Variants in SLC27A4 observed in about 807,000 individuals in gnomAD.
SLC27A4 encodes solute carrier family 27 member 4, also known as long-chain fatty acid transport protein 4.
A neutral mutation model predicts 64.4 loss-of-function variants in SLC27A4; 33 were observed. The observed-to-expected ratio is 0.51, with a 90% CI of 0.39 to 0.68. The LOEUF is 0.68. Ranked by LOEUF, SLC27A4 falls within the 30% of genes least tolerant of loss-of-function variation. The pLI, the probability that SLC27A4 is intolerant of heterozygous loss-of-function variation, is 0.00. For synonymous variants in SLC27A4, 377 were observed against 370.0 expected, an observed-to-expected ratio of 1.02 and a Z score of -0.22; for missense variants, 824 against 883.5, an observed-to-expected ratio of 0.93 and a Z score of 0.85.
intron 2 of SLC27A4, among the ~76,000 whole-genome samples, 192 bp downstream of exon 2, chr9:128,343,485 G>A (rs1039316436): frequency 6.6e-6 from 1 of 152,208 alleles, no homozygotes; most frequent in Non-Finnish European, 1.5e-5. Flanking sequence ...CAAGGTCAAA[G>A]TCTTCTCCCA....
Position 128,355,208 on chromosome 9 carries a change from C to T in SLC27A4, c.1462+18C>T. 2 of 1,612,248 alleles carry T rather than the reference C, an allele frequency of 1.2e-6. No individual in the cohort carries two copies. Among genetic ancestry groups the T allele is most frequent in the Non-Finnish European group, 1.7e-6 (2 of 1,178,868 alleles). On this transcript the variant is annotated intron_variant, in intron 10 of 12. Transcript: ENST00000300456. ...CCTTACTGGTGGGTCCCCAGCCCTT[C>T]ACAGCCCCTTCCTGAGGGTTGGGGG...
chr9:128,345,499 T>C lies in SLC27A4; in HGVS notation c.506T>C (p.Leu169Pro), dbSNP rs1832643284. ...NLRRDALLHC[L>P]TTSRARALVF... Reference sequence around the variant, plus strand: ...CGGCGGGATGCTCTGCTCCACTGCCTCACCACCTCGCGCGCACGGGCCCTT... The same window carrying C: ...CGGCGGGATGCTCTGCTCCACTGCCCCACCACCTCGCGCGCACGGGCCCTT... Residue 169 changes from leucine to proline, a missense_variant, in exon 3 of 13, where the codon CTC becomes CCC. Coordinates refer to ENST00000300456, the MANE Select transcript of SLC27A4 (RefSeq NM_005094.4). This position sits in a 1 kb window ranked among gnomAD's most constrained non-coding sequence, Gnocchi z 4.1. 17 of 1,611,266 alleles carry C rather than the reference T, an allele frequency of 1.1e-5. No homozygotes were observed. The highest frequency in any genetic ancestry group is 1.4e-5 in the Non-Finnish European group (17 of 1,179,088).
In SLC27A4 at chr9:128,355,449, C is replaced by A; in HGVS notation, c.1514C>A (p.Thr505Asn). The A allele has an allele frequency of 6.2e-7, 1 of 1,613,602 alleles. No individual in the cohort carries two copies. The change falls in exon 11 of 13, where the codon ACT (threonine) becomes AAT (asparagine). Residue 505 changes from threonine (T) to asparagine (N), a missense_variant. Physicochemically the swap from Thr to Asn is moderately conservative, Grantham distance 65. Transcript: ENST00000300456. ...ELGYLYFRDRTGDTFRWKGEN... is the reference protein window; with the variant it reads ...ELGYLYFRDRNGDTFRWKGEN... ...GGCTACCTGTACTTCCGAGACCGCACTGGGGACACGTTCCGCTGGAAAGGT... is the reference window on the plus strand; with the variant it reads ...GGCTACCTGTACTTCCGAGACCGCAATGGGGACACGTTCCGCTGGAAAGGT...
At chr9:128,348,227 G>A (rs1220810159) in intron 3 of SLC27A4, among the ~76,000 whole-genome samples, 3 of 152,162 alleles carry the variant, frequency 2.0e-5, no homozygotes, top group Non-Finnish European at 2.9e-5. Context: ...GCCAGGTCCA[G>A]CACATTCTAG....
chr9:128,344,795 AGGAGGTTTCTGCT>A (rs1266151270), intron 2 of SLC27A4, among the ~76,000 whole-genome samples: 1 of 152,174 alleles, frequency 6.6e-6, no homozygotes, highest in Non-Finnish European at 1.5e-5. Context: ...CTGGAGACCT[AGGAGGTTTCTGCT>A]GGAGCAGCAG....
intron 2 of SLC27A4, among the ~76,000 whole-genome samples, chr9:128,344,218 C>T (rs1168395562): frequency 6.6e-6 from 1 of 152,094 alleles, no homozygotes; most frequent in Non-Finnish European, 1.5e-5. Flanking sequence ...GCATCAGCAA[C>T]AAAGGCATGG....
At chr9:128,340,885 A>G (rs562132263) in intron 1 of SLC27A4, 47 bp downstream of exon 1, 339 of 565,984 alleles carry the variant, frequency 6.0e-4, no homozygotes, top group African/African-American at 3.0e-3. Context: ...GACATGTGCC[A>G]GGCCGAGTCG....
chr9:128,360,876 TG>T lies in SLC27A4; in HGVS notation c.*388del. On this transcript the variant is annotated 3_prime_UTR_variant, in exon 13 of 13. Transcript: ENST00000300456. ...CCCCAGACTCAGGAAGTCAACAGAG[TG>T]GGCAGGGACAGTGGTAGCATCCATC... The T allele has an allele frequency of 3.4e-6, 1 of 290,008 alleles. No homozygotes were observed. The highest frequency in any genetic ancestry group is 3.4e-5 in the South Asian group (1 of 29,008). The allele number at this position is 290,008 out of a possible 1,614,324, so 18.0% of individuals were successfully genotyped here. A position where few individuals can be genotyped will look rare whatever the true frequency, so the allele number is the denominator to read the frequency against.
intron 6 of SLC27A4, among the ~76,000 whole-genome samples, chr9:128,351,094 GAAAA>G (rs879510798): frequency 7.2e-6 from 1 of 138,080 alleles, no homozygotes; most frequent in African/African-American, 2.7e-5. Context: ...CTCTGTCTCG[GAAAA>G]AAAAAAAAGA....
intron 7 of SLC27A4, 38 bp downstream of exon 7, chr9:128,352,785 C>G: frequency 6.8e-7 from 1 of 1,472,022 alleles, no homozygotes; most frequent in Non-Finnish European, 9.5e-7. Context: ...TCCCTTTCCC[C>G]TAGTTACCCT....
At chr9:128,352,996 G>A (rs769078732) in intron 7 of SLC27A4, 29 bp from the exon 8 acceptor site, 47 of 1,590,326 alleles carry the variant, frequency 3.0e-5, no homozygotes, top group Non-Finnish European at 4.0e-5. Context: ...AGCCTCTGGA[G>A]CCTCGAATCA....
Position 128,354,960 on chromosome 9 carries a change from A to G in SLC27A4, c.1325-93A>G, listed in dbSNP as rs547600732. On this transcript the variant is annotated intron_variant, in intron 9 of 12. Transcript: ENST00000300456. Reference sequence around the variant, plus strand: ...AAGAGCAAAACTCCGTCTCAAAAAAAAAAAAAAAAAAAAAGACGCAGGGTA... The same window carrying G: ...AAGAGCAAAACTCCGTCTCAAAAAAGAAAAAAAAAAAAAAGACGCAGGGTA... 10 of 1,295,434 alleles carry G rather than the reference A, an allele frequency of 7.7e-6. No individual in the cohort carries two copies. In the East Asian group the frequency reaches 2.1e-4, roughly 27 times the overall value. The allele number at this position is 1,295,434 out of a possible 1,614,324, so 80.2% of individuals were successfully genotyped here.
In SLC27A4 at chr9:128,340,570, C is replaced by A. The variant is rs1004825174; in HGVS notation, c.-275C>A. The stretch of plus-strand genomic sequence containing the variant: ...CTGCGCCGCCGGCTCTGTGGCTTGC[C>A]GGCTTCGGGGAAGGTGCGGCAGGCG... On this transcript the variant is annotated 5_prime_UTR_variant, in exon 1 of 13. Coordinates refer to ENST00000300456, the MANE Select transcript of SLC27A4 (RefSeq NM_005094.4). 4.8e-6 allele frequency: 1 copy of A among 209,938 alleles called. No homozygotes were observed. Among genetic ancestry groups the A allele is most frequent in the African/African-American group, 2.4e-5 (1 of 42,040 alleles). The allele number at this position is 209,938 out of a possible 1,614,324, so 13.0% of individuals were successfully genotyped here.
chr9:128,360,657 A>G lies in SLC27A4; in HGVS notation c.*166A>G, dbSNP rs891716362. 1.5e-6 allele frequency: 1 copy of G among 670,824 alleles called. No homozygotes were observed. Among genetic ancestry groups the G allele is most frequent in the East Asian group, 2.8e-5 (1 of 36,242 alleles). The allele number at this position is 670,824 out of a possible 1,614,324, so 41.6% of individuals were successfully genotyped here. The stretch of plus-strand genomic sequence containing the variant: ...TGCCAAGTGACTCATTGCCTTCCCA[A>G]CCCTTCCAGAGGCTTTCTGTGAAAG... On this transcript the variant is annotated 3_prime_UTR_variant, in exon 13 of 13. Transcript: ENST00000300456.
intron 12 of SLC27A4, among the ~76,000 whole-genome samples, chr9:128,357,847 T>A (rs1384531722): frequency 6.6e-6 from 1 of 152,236 alleles, no homozygotes; most frequent in Non-Finnish European, 1.5e-5. Flanking sequence ...CTAGCCAATG[T>A]GGCTTCTGCC....
intron 1 of SLC27A4, among the ~76,000 whole-genome samples, chr9:128,341,363 G>A (rs1230468818): frequency 2.0e-5 from 3 of 152,178 alleles, no homozygotes; most frequent in Non-Finnish European, 1.5e-5. Context: ...AGTCCTCAAA[G>A]CTCCAGGAAT....
chr9:128,353,563 G>C lies in SLC27A4; in HGVS notation c.1324+22G>C. The C allele has an allele frequency of 6.2e-7, 1 of 1,612,584 alleles. No homozygotes were observed. Among genetic ancestry groups the C allele is most frequent in the East Asian group, 2.2e-5 (1 of 44,838 alleles). ...CCAGGTCTGCCACTTCGGGGTCAGAGAGGGAGGGGTTGGCCTGGGAAGGAA... is the reference window on the plus strand; with the variant it reads ...CCAGGTCTGCCACTTCGGGGTCAGACAGGGAGGGGTTGGCCTGGGAAGGAA... On this transcript the variant is annotated intron_variant, in intron 9 of 12. Transcript: ENST00000300456. The surrounding 1 kb of genome is among the most constrained non-coding windows in gnomAD (Gnocchi z 4.9).
rs565099549 is a variant in SLC27A4, at chr9:128,354,837, C to T, written c.1325-216C>T. Among the ~76,000 whole-genome samples the T allele has an allele frequency of 1.6e-3, 236 of 151,588 alleles. 1 individual carries two copies. Among genetic ancestry groups the T allele is most frequent in the African/African-American group, 5.5e-3 (228 of 41,242 alleles). On this transcript the variant is annotated intron_variant, in intron 9 of 12. Transcript: ENST00000300456. ...GCCTGTTGGCGTGTGCCTGTAATCT[C>T]AGCTACTCAGGAGGCTAAGGCAGGA...
Position 128,355,086 on chromosome 9 carries a change from A to G in SLC27A4, c.1358A>G (p.Gln453Arg), listed in dbSNP as rs1309094631. The G allele has an allele frequency of 2.5e-6, 4 of 1,612,348 alleles. No individual in the cohort carries two copies. Among genetic ancestry groups the G allele is most frequent in the Non-Finnish European group, 3.4e-6 (4 of 1,179,392 alleles). Residue 453 changes from glutamine to arginine, a missense_variant, in exon 10 of 13, where the codon CAG becomes CGG. Transcript: ENST00000300456. ...GGCCAGCTGGTGGGCCGCATCATCCAGAAAGACCCCCTGCGCCGCTTCGAT... is the reference window on the plus strand; with the variant it reads ...GGCCAGCTGGTGGGCCGCATCATCCGGAAAGACCCCCTGCGCCGCTTCGAT... ...EPGQLVGRII[Q>R]KDPLRRFDGY...
Sources: gnomAD v4.1 joint callset for allele counts (sites outside exome capture counted in the v4.1 genomes callset) on GRCh38, gnomAD v4.1.1 for gene constraint, Gnocchi (gnomAD v3.1) non-coding constraint, MANE v1.5 for transcripts, NCBI Gene and HGNC (gene_info 2026-07-23, HGNC 2026-07-21) for gene names.